Variants in ST7 observed in about 807,000 individuals in gnomAD.
ST7 encodes the protein suppressor of tumorigenicity 7 protein.
ST7 carries 28 observed loss-of-function variants against 78.7 expected under a neutral mutation model. The ratio of observed to expected loss-of-function variants is 0.36; its 90% CI spans 0.26 to 0.49. ST7 has a LOEUF of 0.49. ST7 is among the 20% of genes least tolerant of loss of function. The probability of loss-of-function intolerance (pLI) is 0.99; values close to 1 mark genes in which losing one functional copy is unlikely to be tolerated. For missense variants in ST7, 418 were observed against 696.0 expected, an observed-to-expected ratio of 0.60 and a Z score of 4.49; for synonymous variants, 247 against 249.6, an observed-to-expected ratio of 0.99 and a Z score of 0.10.
At chr7:117,129,257 G>T (rs1366825802) in intron 3 of ST7, among the ~76,000 whole-genome samples, 1 of 151,746 alleles carries the variant, frequency 6.6e-6, no homozygotes, top group African/African-American at 2.4e-5. Flanking sequence ...CTACAATATG[G>T]TAATCTTATT....
chr7:117,064,523 C>A (rs915104859), intron 1 of ST7, among the ~76,000 whole-genome samples: 1 of 152,136 alleles, frequency 6.6e-6, no homozygotes, highest in Non-Finnish European at 1.5e-5. Flanking sequence ...GCAGCAGGAC[C>A]AACGTGTTGG....
At chr7:117,057,849 A>G (rs1305755890) in intron 1 of ST7, among the ~76,000 whole-genome samples, 1 of 152,182 alleles carries the variant, frequency 6.6e-6, no homozygotes, top group Non-Finnish European at 1.5e-5. Flanking sequence ...ACTATTAAGT[A>G]AAAGTTACCA....
At chr7:117,039,401 C>T (rs1317378902) in intron 1 of ST7, among the ~76,000 whole-genome samples, 1 of 152,068 alleles carries the variant, frequency 6.6e-6, no homozygotes, top group Non-Finnish European at 1.5e-5. Context: ...TAGGGAAACC[C>T]TGTCTCTACC....
intron 1 of ST7, among the ~76,000 whole-genome samples, chr7:116,996,713 G>A (rs758184445): frequency 5.3e-5 from 8 of 152,176 alleles, no homozygotes; most frequent in Admixed American, 1.3e-4. Context: ...TCCTCATGGT[G>A]CAAATGAATA....
intron 13 of ST7, among the ~76,000 whole-genome samples, chr7:117,213,570 T>G (rs529744304): frequency 1.4e-4 from 22 of 152,154 alleles, no homozygotes; most frequent in Non-Finnish European, 2.9e-4. Context: ...AACCTCCCAT[T>G]TTTGATAAAA....
intron 1 of ST7, among the ~76,000 whole-genome samples, chr7:117,085,950 C>T (rs1800112055): frequency 1.3e-5 from 2 of 152,020 alleles, no homozygotes; most frequent in African/African-American, 4.8e-5. Context: ...GCATTAAAAA[C>T]TAGAGAAAAT....
At chr7:117,180,608 C>A (rs1362693945) in intron 10 of ST7, among the ~76,000 whole-genome samples, 8 of 152,172 alleles carry the variant, frequency 5.3e-5, no homozygotes, top group Admixed American at 1.3e-4. Context: ...TACCTTGAAT[C>A]TGAAACAAAC....
At chr7:117,003,329 ACT>A (rs1795023895) in intron 1 of ST7, among the ~76,000 whole-genome samples, 1 of 150,824 alleles carries the variant, frequency 6.6e-6, no homozygotes, top group Non-Finnish European at 1.5e-5. Context: ...ACACAGTCTC[ACT>A]CTGTCGCCCA....
rs558465702 is a variant in ST7, at chr7:117,089,732, C to T, written c.152-10030C>T. Among the ~76,000 whole-genome samples, 490 of 152,016 alleles carry T rather than the reference C, an allele frequency of 3.2e-3. 2 individuals carry two copies. The highest frequency in any genetic ancestry group is 5.8e-3 in the Non-Finnish European group (394 of 67,964). On this transcript the variant is annotated intron_variant, in intron 1 of 15. Coordinates refer to ENST00000323984, the MANE Select transcript of ST7 (RefSeq NM_001369598.1). ...GACTACAGGCACCCACCACCACGCCCGGCTAGTTTTTGTATTTTTAGTAGA... is the reference window on the plus strand; with the variant it reads ...GACTACAGGCACCCACCACCACGCCTGGCTAGTTTTTGTATTTTTAGTAGA...
chr7:117,191,693 G>A (rs1809801426), intron 12 of ST7: 1 of 152,156 alleles, frequency 6.6e-6, no homozygotes. Flanking sequence ...AAAAGTAGCT[G>A]AGAGCCACTT....
At chr7:117,040,539 C>T (rs754736917) in intron 1 of ST7, among the ~76,000 whole-genome samples, 2 of 152,214 alleles carry the variant, frequency 1.3e-5, no homozygotes, top group Admixed American at 1.3e-4. Context: ...ATTTGCTCTT[C>T]GCATAGTAAA....
At chr7:117,096,066 TCAAAAAAAAAA>T (rs1801012156) in intron 1 of ST7, among the ~76,000 whole-genome samples, 1 of 30,876 alleles carries the variant, frequency 3.2e-5, no homozygotes, top group African/African-American at 1.3e-4. Context: ...AGATTCTGCC[TCAAAAAAAAAA>T]AAAAAAAAAA....
In ST7 at chr7:117,194,899, G is replaced by T. The variant is rs1025022247; in HGVS notation, c.1254+3963G>T. The stretch of plus-strand genomic sequence containing the variant: ...AGCGCTTATGTGCTCTTAGTATGCT[G>T]CAGCCACACTGCAAGCCTTTCACTG... On this transcript the variant is annotated intron_variant, in intron 12 of 15. Transcript: ENST00000323984. Among the ~76,000 whole-genome samples, 3 of 152,156 alleles carry T rather than the reference G, an allele frequency of 2.0e-5. No individual in the cohort carries two copies. In the South Asian group the frequency reaches 6.2e-4, roughly 32 times the overall value.
intron 1 of ST7, among the ~76,000 whole-genome samples, chr7:117,096,616 G>A (rs999189058): frequency 2.6e-5 from 4 of 152,182 alleles, no homozygotes; most frequent in Admixed American, 6.5e-5. Context: ...GCCTCCAGCC[G>A]CAAGACAAGG....
chr7:117,024,124 T>C (rs2116069385), intron 1 of ST7, among the ~76,000 whole-genome samples: 1 of 152,324 alleles, frequency 6.6e-6, no homozygotes, highest in East Asian at 1.9e-4. Context: ...GATTTAATGA[T>C]ATATTTTAAA....
chr7:117,221,736 C>T (rs555688472), intron 14 of ST7, among the ~76,000 whole-genome samples, 187 bp from the exon 15 acceptor site: 4 of 152,140 alleles, frequency 2.6e-5, no homozygotes, highest in Admixed American at 6.5e-5. Flanking sequence ...TGGAGACTTG[C>T]GACCAGCAGA....
At chr7:117,207,181 G>A (rs979164399) in intron 12 of ST7, among the ~76,000 whole-genome samples, 37 of 149,154 alleles carry the variant, frequency 2.5e-4, no homozygotes, top group African/African-American at 8.7e-4. Flanking sequence ...GTCTTGCTGT[G>A]TTGCCCAGGC....
chr7:117,014,715 A>G (rs1795527237), intron 1 of ST7, among the ~76,000 whole-genome samples: 1 of 152,236 alleles, frequency 6.6e-6, no homozygotes, highest in Non-Finnish European at 1.5e-5. Context: ...GTTTTAACCT[A>G]AAACCAAAAT....
intron 1 of ST7, among the ~76,000 whole-genome samples, chr7:116,961,778 T>A (rs1053157148): frequency 6.6e-6 from 1 of 151,888 alleles, no homozygotes; most frequent in Admixed American, 6.6e-5. Context: ...TTTTTTTTTT[T>A]AATTTTACTT....
Sources: gnomAD v4.1 joint callset for allele counts (sites outside exome capture counted in the v4.1 genomes callset) on GRCh38, gnomAD v4.1.1 for gene constraint, MANE v1.5 for transcripts, NCBI Gene and HGNC (gene_info 2026-07-23, HGNC 2026-07-21) for gene names.